Variants in FAM83B observed in about 807,000 individuals in gnomAD.
FAM83B encodes the protein scaffolding CK1 anchoring protein B.
A neutral mutation model predicts 38.8 loss-of-function variants in FAM83B; 26 were observed. That is an observed-to-expected ratio of 0.67 (90% CI 0.49 to 0.93). The LOEUF (loss-of-function observed/expected upper bound fraction) is 0.93, where lower values mean the gene tolerates loss of function less well. Among genes scored for constraint, FAM83B ranks in the 40% least tolerant of loss-of-function variants. The pLI is 0.00. For missense variants in FAM83B, 1,237 were observed against 1,197.3 expected (o/e 1.03, Z -0.49); for synonymous variants, 419 against 423.1 (o/e 0.99, Z 0.12).
In FAM83B at chr6:54,940,708, G is replaced by T; in HGVS notation, c.1737G>T (p.Glu579Asp). ...IGSQGSETPK[E>D]VPDTPTNVQH... is the part of the protein sequence containing the mutation. Reference sequence around the variant, plus strand: ...CTCAGGGAAGTGAGACACCTAAAGAGGTCCCAGACACCCCTACGAATGTAC... The same window carrying T: ...CTCAGGGAAGTGAGACACCTAAAGATGTCCCAGACACCCCTACGAATGTAC... Residue 579 changes from glutamate to aspartate, a missense_variant, in exon 5 of 5, where the codon GAG (glutamate) becomes GAT (aspartate). Glu to Asp is a conservative substitution (Grantham distance 45, BLOSUM62 2). Coordinates refer to ENST00000306858, the MANE Select transcript of FAM83B (RefSeq NM_001010872.3). The T allele has an allele frequency of 6.2e-7, 1 of 1,613,926 alleles. No homozygotes were observed. Among genetic ancestry groups the T allele is most frequent in the Non-Finnish European group, 8.5e-7 (1 of 1,179,998 alleles).
At chr6:54,851,086 T>A (rs1331915214) in intron 1 of FAM83B, among the ~76,000 whole-genome samples, 10 of 151,778 alleles carry the variant, frequency 6.6e-5, no homozygotes, top group African/African-American at 2.4e-4. Context: ...TGTTTAAAGA[T>A]GAGTGCAATA....
chr6:54,859,063 C>T (rs549155605), intron 1 of FAM83B, among the ~76,000 whole-genome samples: 1 of 152,020 alleles, frequency 6.6e-6, no homozygotes, highest in Admixed American at 6.5e-5. Flanking sequence ...GTGCCCACCC[C>T]CCAGCCCCCA....
intron 2 of FAM83B, among the ~76,000 whole-genome samples, chr6:54,896,853 C>T (rs1020279299): frequency 6.6e-6 from 1 of 152,090 alleles, no homozygotes; most frequent in African/African-American, 2.4e-5. Flanking sequence ...CTACAACTGT[C>T]AGGAAAACTT....
Position 54,941,903 on chromosome 6 carries a change from T to C in FAM83B, c.2932T>C (p.Leu978=), listed in dbSNP as rs1177711084. The part of the protein sequence containing the change: ...MGNSYGRSSP[L]LNYNTGVYRS... ...CAACAGTTATGGCAGGTCTAGTCCATTGCTTAATTACAACACTGGTGTTTA... is the reference window on the plus strand; with the variant it reads ...CAACAGTTATGGCAGGTCTAGTCCACTGCTTAATTACAACACTGGTGTTTA... Residue 978 remains leucine, a synonymous_variant, in exon 5 of 5, where the codon TTG becomes CTG. Transcript: ENST00000306858. 6.2e-7 allele frequency: 1 copy of C among 1,614,000 alleles called. No homozygotes were observed. The highest frequency in any genetic ancestry group is 2.2e-5 in the East Asian group (1 of 44,866).
chr6:54,913,646 T>G (rs571990965), intron 2 of FAM83B, among the ~76,000 whole-genome samples: 1 of 150,296 alleles, frequency 6.7e-6, no homozygotes, highest in South Asian at 2.1e-4. Flanking sequence ...TAAAGAGAGA[T>G]AAAAATAGAA....
chr6:54,915,076 A>G (rs1301598648), intron 2 of FAM83B, among the ~76,000 whole-genome samples: 2 of 151,716 alleles, frequency 1.3e-5, no homozygotes, highest in African/African-American at 4.8e-5. Context: ...TTTGATGTTC[A>G]CCCACCTGTT....
At chr6:54,872,527 G>A (rs763346174) in intron 2 of FAM83B, among the ~76,000 whole-genome samples, 1 of 152,142 alleles carries the variant, frequency 6.6e-6, no homozygotes, top group Non-Finnish European at 1.5e-5. Flanking sequence ...TAGTAACTTA[G>A]TAATGCATTT....
rs908871883 is a variant in FAM83B at position 54,906,824 on chromosome 6, T to G, written c.445-19547T>G. ...ATTTGATAGAGGATGTTGCTAAGAA[T>G]TATATTTCAGTCCAAGTAATATGAC... On this transcript the variant is annotated intron_variant, in intron 2 of 4. Coordinates refer to ENST00000306858, the MANE Select transcript of FAM83B (RefSeq NM_001010872.3). Among the ~76,000 whole-genome samples the G allele has an allele frequency of 4.6e-5, 7 of 152,314 alleles. 1 individual carries two copies. Among genetic ancestry groups the G allele is most frequent in the African/African-American group, 1.7e-4 (7 of 41,572 alleles).
In FAM83B at chr6:54,939,837, A is replaced by G. The variant is rs1773616832; in HGVS notation, c.866A>G (p.Glu289Gly). 6.2e-7 allele frequency: 1 copy of G among 1,614,010 alleles called. No homozygotes were observed. The highest frequency in any genetic ancestry group is 8.5e-7 in the Non-Finnish European group (1 of 1,179,958). ...TGTGTCCCTAGTTCATTTGCTCAGG[A>G]AGAATCAGCAAGGGTGAAGCATGGA... is the stretch of plus-strand genomic sequence containing the variant. ...RSCVPSSFAQ[E>G]ESARVKHGKA... Residue 289 changes from glutamate (E) to glycine (G), a missense_variant, in exon 5 of 5, where the codon GAA (glutamate) becomes GGA (glycine). By Grantham distance (98) the Glu-to-Gly change is moderately conservative. Coordinates refer to ENST00000306858, the MANE Select transcript of FAM83B (RefSeq NM_001010872.3).
chr6:54,848,740 GTTA>G (rs1771198318), intron 1 of FAM83B, among the ~76,000 whole-genome samples: 1 of 152,124 alleles, frequency 6.6e-6, no homozygotes, highest in Non-Finnish European at 1.5e-5. Context: ...AAAATGTAAT[GTTA>G]TTATACTTTT....
chr6:54,852,325 T>A (rs896990129), intron 1 of FAM83B, among the ~76,000 whole-genome samples: 4 of 152,264 alleles, frequency 2.6e-5, no homozygotes, highest in African/African-American at 9.6e-5. Context: ...CACATTTTGA[T>A]AATTCTCACA....
intron 2 of FAM83B, among the ~76,000 whole-genome samples, chr6:54,922,615 G>C (rs1018738906): frequency 5.3e-5 from 8 of 151,942 alleles, no homozygotes; most frequent in African/African-American, 1.7e-4. Flanking sequence ...TAAGAAAAAG[G>C]TTGTGGGAAG....
chr6:54,864,727 G>A (rs144547926), intron 1 of FAM83B, among the ~76,000 whole-genome samples: 183 of 152,236 alleles, frequency 1.2e-3, no homozygotes, highest in African/African-American at 4.2e-3. Context: ...CTTGACAGCT[G>A]AAGAAAGAAA....
chr6:54,940,718 A>G lies in FAM83B; in HGVS notation c.1747A>G (p.Thr583Ala). The G allele has an allele frequency of 3.1e-6, 5 of 1,613,970 alleles. No homozygotes were observed. The highest frequency in any genetic ancestry group is 3.4e-6 in the Non-Finnish European group (4 of 1,179,996). The change falls in exon 5 of 5, where the codon ACC becomes GCC. Residue 583 changes from threonine to alanine, a missense_variant. Transcript: ENST00000306858. ...TGAGACACCTAAAGAGGTCCCAGACACCCCTACGAATGTACAGCATTTGAC... is the reference window on the plus strand; with the variant it reads ...TGAGACACCTAAAGAGGTCCCAGACGCCCCTACGAATGTACAGCATTTGAC... ...GSETPKEVPD[T>A]PTNVQHLTDK...
chr6:54,900,820 C>T (rs749152643), intron 2 of FAM83B, among the ~76,000 whole-genome samples: 5 of 152,122 alleles, frequency 3.3e-5, no homozygotes, highest in Non-Finnish European at 7.3e-5. Flanking sequence ...GTGTGATAGA[C>T]CACCCCCTTC....
At chr6:54,917,877 A>G (rs942543100) in intron 2 of FAM83B, among the ~76,000 whole-genome samples, 2 of 152,000 alleles carry the variant, frequency 1.3e-5, no homozygotes, top group African/African-American at 4.8e-5. Context: ...CCTCTCTCTA[A>G]CTCTTGTTAA....
intron 2 of FAM83B, among the ~76,000 whole-genome samples, chr6:54,897,126 C>T (rs190644692): frequency 6.6e-6 from 1 of 152,098 alleles, no homozygotes; most frequent in East Asian, 1.9e-4. Context: ...CCCTTGTCCT[C>T]TCTCTGAGAC....
chr6:54,892,045 A>G (rs1350086530), intron 2 of FAM83B, among the ~76,000 whole-genome samples: 4 of 152,116 alleles, frequency 2.6e-5, no homozygotes, highest in African/African-American at 9.7e-5. Flanking sequence ...TACATTTGGT[A>G]ATTACTTGCA....
intron 4 of FAM83B, among the ~76,000 whole-genome samples, chr6:54,929,889 G>C (rs772997494): frequency 3.3e-5 from 5 of 151,902 alleles, no homozygotes; most frequent in Non-Finnish European, 5.9e-5. Flanking sequence ...TAAAATATGT[G>C]CAGTACAAAA....
Sources: gnomAD v4.1 joint callset for allele counts (sites outside exome capture counted in the v4.1 genomes callset) on GRCh38, gnomAD v4.1.1 for gene constraint, MANE v1.5 for transcripts, NCBI Gene and HGNC (gene_info 2026-07-23, HGNC 2026-07-21) for gene names.